Variants in NDST2 observed in about 807,000 individuals in gnomAD.
NDST2 encodes the protein N-deacetylase and N-sulfotransferase 2, also known as bifunctional heparan sulfate N-deacetylase/N-sulfotransferase 2.
NDST2 carries 32 observed loss-of-function variants against 86.9 expected under a neutral mutation model. That is an observed-to-expected ratio of 0.37 (90% CI 0.28 to 0.49). The LOEUF (loss-of-function observed/expected upper bound fraction) is 0.49. NDST2 is among the 20% of genes least tolerant of loss of function. The pLI is 0.97. For synonymous variants in NDST2, 409 were observed against 437.0 expected (o/e 0.94, Z 0.80); for missense variants, 950 against 1,146.9 (o/e 0.83, Z 2.48).
In NDST2 at chr10:73,807,559, C is replaced by T. The variant is rs773806983; in HGVS notation, c.830G>A (p.Arg277Gln). 6 of 1,614,170 alleles carry T rather than the reference C, an allele frequency of 3.7e-6. No homozygotes were observed. The highest frequency in any genetic ancestry group is 2.2e-5 in the East Asian group (1 of 44,884). The change falls in exon 3 of 15, where the codon CGG becomes CAG. Residue 277 changes from arginine (R) to glutamine (Q), a missense_variant. Physicochemically the swap from Arg to Gln is conservative, Grantham distance 43. This residue lies in a region of NDST2 where 586 missense variants were observed against 714.0 expected (regional missense o/e 0.82). Coordinates refer to ENST00000309979, the MANE Select transcript of NDST2 (RefSeq NM_003635.4). ...QDLGLHDGIQ[R>Q]VLFGHGLSFW... Reference sequence around the variant, plus strand: ...GGAAAGGCCATGTCCAAAGAGCACCCGCTGGATGCCATCATGAAGCCCCAG... The same window carrying T: ...GGAAAGGCCATGTCCAAAGAGCACCTGCTGGATGCCATCATGAAGCCCCAG...
rs1274901566 is a variant in NDST2, at chr10:73,802,573, G to A, written c.2530C>T (p.Arg844Cys). The change falls in exon 15 of 15, where the codon CGT (arginine) becomes TGT (cysteine). Residue 844 changes from arginine to cysteine, a missense_variant. Arg to Cys is a radical substitution (Grantham distance 180). Transcript: ENST00000309979. ...CGGAAAAAATCCGTAAGGAAAAGAC[G>A]GGACTGACAGGAGAAAATGAAGGCA... ...RRYPDMDTES[R>C]LFLTDFFRNH... The A allele has an allele frequency of 2.5e-6, 4 of 1,614,030 alleles. No homozygotes were observed. The highest frequency in any genetic ancestry group is 1.7e-5 in the Admixed American group (1 of 59,998).
chr10:73,805,538 A>G (rs1189407553), intron 8 of NDST2, 49 bp downstream of exon 8: 2 of 1,580,026 alleles, frequency 1.3e-6, no homozygotes, highest in East Asian at 4.5e-5. Flanking sequence ...AACAACAAAA[A>G]ACACCCCACC....
In NDST2 at chr10:73,808,478, G is replaced by A. The variant is rs540482809; in HGVS notation, c.-90C>T. ...AGGCTAGGACTGTCTTGGAAGGGTA[G>A]AAGGATAGGAAAATAGGGGACAGGG... is the stretch of plus-strand genomic sequence containing the variant. On this transcript the variant is annotated 5_prime_UTR_variant, in exon 3 of 15. Coordinates refer to ENST00000309979, the MANE Select transcript of NDST2 (RefSeq NM_003635.4). This position sits in a 1 kb window ranked among gnomAD's most constrained non-coding sequence, Gnocchi z 4.3. The A allele has an allele frequency of 1.5e-6, 2 of 1,292,170 alleles. No individual in the cohort carries two copies. Among genetic ancestry groups the A allele is most frequent in the South Asian group, 1.5e-5 (1 of 65,206 alleles). 80.0% of individuals were successfully genotyped at this position (1,292,170 alleles called of 1,614,324 possible). A position where few individuals can be genotyped will look rare whatever the true frequency, so the allele number is the denominator to read the frequency against.
rs575871049 is a variant in NDST2, at chr10:73,804,841, T to C, written c.1775A>G (p.Asp592Gly). 9.9e-6 allele frequency: 16 copies of C among 1,611,828 alleles called. No individual in the cohort carries two copies. The Admixed American group carries it at 2.2e-4, about 22-fold the overall frequency. The change falls in exon 9 of 15, where the codon GAT (aspartate) becomes GGT (glycine). Residue 592 changes from aspartate to glycine, a missense_variant. Transcript: ENST00000309979. ...ACAGGTTTTCTCCTTGGACCAGATA[T>C]CTTTGTGCCTCTTGTCATCACAGGG... The part of the protein sequence containing the change: ...QNPCDDKRHK[D>G]IWSKEKTCDR...
chr10:73,811,225 C>T (rs898846193), intron 1 of NDST2, among the ~76,000 whole-genome samples: 1 of 152,026 alleles, frequency 6.6e-6, no homozygotes, highest in Non-Finnish European at 1.5e-5. Flanking sequence ...AGGCGCGCGG[C>T]GGCGACTCCG....
chr10:73,804,131 T>C, intron 9 of NDST2, 115 bp from the exon 10 acceptor site: 1 of 1,227,924 alleles, frequency 8.1e-7, no homozygotes. Flanking sequence ...AAATCCCCTA[T>C]GGCCAAACTA....
At position 73,807,811 on chromosome 10, in the gene NDST2, G is replaced by A; in HGVS notation, c.578C>T (p.Ser193Leu). The A allele has an allele frequency of 6.2e-7, 1 of 1,614,156 alleles. No individual in the cohort carries two copies. The highest frequency in any genetic ancestry group is 2.2e-5 in the East Asian group (1 of 44,876). Residue 193 changes from serine (S) to leucine (L), a missense_variant, in exon 3 of 15, where the codon TCA becomes TTA. By Grantham distance (145) the Ser-to-Leu change is moderately radical. This residue lies in a region of NDST2 where 586 missense variants were observed against 714.0 expected (regional missense o/e 0.82). Coordinates refer to ENST00000309979, the MANE Select transcript of NDST2 (RefSeq NM_003635.4). The part of the protein sequence containing the change: ...QLKGFPLFLH[S>L]NLGLRDYQVN... ...TTGGTAGTCCCGGAGCCCCAAGTTT[G>A]AGTGTAAAAAAAGGGGAAAGCCCTT...
chr10:73,806,803 CCT>C lies in NDST2; in HGVS notation c.1100_1101del (p.Glu367GlyfsTer39). 1 of 1,614,044 alleles carries C rather than the reference CCT, an allele frequency of 6.2e-7. No homozygotes were observed. Among genetic ancestry groups the C allele is most frequent in the East Asian group, 2.2e-5 (1 of 44,874 alleles). The part of the protein sequence containing the change: ...FSGKFYHTGT[E>X]EEDAGDDMLL... ...AGCATGTCGTCCCCTGCATCCTCCT[CCT>C]CTGTCCCTATGACCACACGCTGACC... On this transcript the variant is annotated frameshift_variant, in exon 5 of 15. Transcript: ENST00000309979. LOFTEE classifies it high-confidence loss of function. The surrounding 1 kb of genome is among the most constrained non-coding windows in gnomAD (Gnocchi z 4.5).
In NDST2 at chr10:73,805,631, T is replaced by C. The variant is rs1373571372; in HGVS notation, c.1702A>G (p.Lys568Glu). ...QTLPPVPLAQ[K>E]YFELFPQERS... is the part of the protein sequence containing the mutation. Reference sequence around the variant, plus strand: ...TCCTGAGGGAAAAGTTCAAAGTACTTCTGTGCAAGTGGGACAGGAGGAAGG... The same window carrying C: ...TCCTGAGGGAAAAGTTCAAAGTACTCCTGTGCAAGTGGGACAGGAGGAAGG... The change falls in exon 8 of 15, where the codon AAG becomes GAG. Residue 568 changes from lysine (K) to glutamate (E), a missense_variant. Coordinates refer to ENST00000309979, the MANE Select transcript of NDST2 (RefSeq NM_003635.4). 1.2e-6 allele frequency: 2 copies of C among 1,614,156 alleles called. No individual in the cohort carries two copies. The highest frequency in any genetic ancestry group is 8.5e-7 in the Non-Finnish European group (1 of 1,180,034).
intron 9 of NDST2, among the ~76,000 whole-genome samples, chr10:73,804,470 G>A (rs983668680): frequency 4.6e-5 from 7 of 151,770 alleles, no homozygotes; most frequent in Non-Finnish European, 7.4e-5. Flanking sequence ...GTGAAACCCC[G>A]TCTCTACTAA....
rs2084153323 is a variant in NDST2, at chr10:73,808,916, C to CT, written c.-341-188dup. 6.5e-6 allele frequency: 1 copy of CT among 153,728 alleles called. No individual in the cohort carries two copies. Among genetic ancestry groups the CT allele is most frequent in the Admixed American group, 6.4e-5 (1 of 15,564 alleles). 9.5% of individuals were successfully genotyped at this position (153,728 alleles called of 1,614,324 possible). A position where few individuals can be genotyped will look rare whatever the true frequency, so the allele number is the denominator to read the frequency against. ...ATACCTTAGCTTCACAGCTTGTTCC[C>CT]TTTCCCTTTCTTAGAATACCCAAAT... On this transcript the variant is annotated intron_variant, in intron 2 of 14. Transcript: ENST00000309979. The surrounding 1 kb of genome is among the most constrained non-coding windows in gnomAD (Gnocchi z 4.3).
chr10:73,807,398 C>T lies in NDST2; in HGVS notation c.991G>A (p.Val331Met), dbSNP rs747355636. The part of the protein sequence containing the change: ...FVGKEGTRMK[V>M]ADVEALLTTQ... ...ACAAGACTGACCTCAACATCAGCCA[C>T]CTTCATGCGGGTCCCTTCCTTGCCC... Residue 331 changes from valine to methionine, a missense_variant, in exon 3 of 15, where the codon GTG (valine) becomes ATG (methionine). Val to Met is a conservative substitution (Grantham distance 21). Transcript: ENST00000309979. 4 of 1,613,886 alleles carry T rather than the reference C, an allele frequency of 2.5e-6. No individual in the cohort carries two copies. The African/African-American group carries it at 5.3e-5, about 22-fold the overall frequency.
At position 73,807,470 on chromosome 10, in the gene NDST2, G is replaced by C. The variant is rs2084123196; in HGVS notation, c.919C>G (p.Leu307Val). Residue 307 changes from leucine to valine, a missense_variant, in exon 3 of 15, where the codon CTG (leucine) becomes GTG (valine). Around this residue, in one of 5 missense-constraint regions of NDST2, gnomAD observed 586 missense variants for 714.0 expected, o/e 0.82. Coordinates refer to ENST00000309979, the MANE Select transcript of NDST2 (RefSeq NM_003635.4). ...ACCAAGATGTAGCGGTCAAGGTCCA[G>C]GCAGAGGCGCTTGCCAGTGAGGTAT... ...VAYLTGKRLCLDLDRYILVDI... is the reference protein window; with the variant it reads ...VAYLTGKRLCVDLDRYILVDI... The C allele has an allele frequency of 6.2e-7, 1 of 1,614,134 alleles. No homozygotes were observed. The highest frequency in any genetic ancestry group is 1.3e-5 in the African/African-American group (1 of 74,944).
chr10:73,803,890 C>T lies in NDST2; in HGVS notation c.1967+3G>A. 5.0e-6 allele frequency: 8 copies of T among 1,614,132 alleles called. No individual in the cohort carries two copies. The highest frequency in any genetic ancestry group is 6.8e-6 in the Non-Finnish European group (8 of 1,180,012). On this transcript the variant is annotated splice_donor_region_variant and intron_variant, in intron 10 of 14. Transcript: ENST00000309979. ...GAAACATTCAAATGGGGCCCAGTCT[C>T]ACCAGTCAATACCCTTGTGGTAATT... is the stretch of plus-strand genomic sequence containing the variant.
chr10:73,803,020 T>C lies in NDST2; in HGVS notation c.2375A>G (p.Gln792Arg), dbSNP rs2084025043. The part of the protein sequence containing the change: ...TNPAASMESI[Q>R]KFLGITPFLN... ...AAAGGGTGTGATACCCAGGAACTTC[T>C]GGATGCTCTCCATTGAGGCTGCTGG... Residue 792 changes from glutamine to arginine, a missense_variant, in exon 13 of 15, where the codon CAG (glutamine) becomes CGG (arginine). Physicochemically the swap from Gln to Arg is conservative, Grantham distance 43. This residue lies in a region of NDST2 where 303 missense variants were observed against 323.7 expected (regional missense o/e 0.94). Transcript: ENST00000309979. 7 of 1,614,130 alleles carry C rather than the reference T, an allele frequency of 4.3e-6. No homozygotes were observed. Among genetic ancestry groups the C allele is most frequent in the Admixed American group, 1.7e-5 (1 of 60,006 alleles).
intron 4 of NDST2, 39 bp downstream of exon 4, chr10:73,807,068 CA>C (rs776938991): frequency 6.3e-7 from 1 of 1,580,948 alleles, no homozygotes; most frequent in East Asian, 2.2e-5. Context: ...AGGGACAGGT[CA>C]AACTATGATA....
Position 73,802,401 on chromosome 10 carries a change from T to C in NDST2, c.*50A>G. 1 of 1,609,306 alleles carries C rather than the reference T, an allele frequency of 6.2e-7. No individual in the cohort carries two copies. Among genetic ancestry groups the C allele is most frequent in the Non-Finnish European group, 8.5e-7 (1 of 1,178,622 alleles). On this transcript the variant is annotated 3_prime_UTR_variant, in exon 15 of 15. Coordinates refer to ENST00000309979, the MANE Select transcript of NDST2 (RefSeq NM_003635.4). Reference sequence around the variant, plus strand: ...CCCCTTGTGGGCCCTGCTCTGGACCTGCCCCTTAGGGAAGCAGGGGGCATT... The same window carrying C: ...CCCCTTGTGGGCCCTGCTCTGGACCCGCCCCTTAGGGAAGCAGGGGGCATT...
At position 73,803,919 on chromosome 10, in the gene NDST2, G is replaced by A. The variant is rs745688415; in HGVS notation, c.1941C>T (p.Ser647=). 1.9e-6 allele frequency: 3 copies of A among 1,614,178 alleles called. No homozygotes were observed. The highest frequency in any genetic ancestry group is 2.5e-6 in the Non-Finnish European group (3 of 1,180,036). ...AGTCAATACCCTTGTGGTAATTAGG[G>A]CTGTTGAAGAACTGAATCTCCTCAA... ...STFEEIQFFN[S]PNYHKGIDWY... Residue 647 remains serine (S), a synonymous_variant, in exon 10 of 15, where the codon AGC becomes AGT. Transcript: ENST00000309979.
chr10:73,809,784 G>GT (rs1353665637), intron 2 of NDST2, among the ~76,000 whole-genome samples: 1 of 152,176 alleles, frequency 6.6e-6, no homozygotes, highest in East Asian at 1.9e-4. Flanking sequence ...CCAGGATACA[G>GT]TGTGCTAGTG....
Sources: gnomAD v4.1 joint callset for allele counts (sites outside exome capture counted in the v4.1 genomes callset) on GRCh38, gnomAD v4.1.1 for gene constraint, gnomAD v4.1.1 regional missense constraint, Gnocchi (gnomAD v3.1) non-coding constraint, MANE v1.5 for transcripts, NCBI Gene and HGNC (gene_info 2026-07-23, HGNC 2026-07-21) for gene names.